The following VPS8 variants were observed in gnomAD, a reference collection of about 807,000 sequenced individuals.
VPS8 encodes the protein VPS8 subunit of CORVET complex, also known as vacuolar protein sorting-associated protein 8 homolog.
VPS8 carries 129 observed loss-of-function variants against 216.4 expected under a neutral mutation model. The ratio of observed to expected loss-of-function variants is 0.60; its 90% CI spans 0.52 to 0.69. The LOEUF is 0.69. VPS8 is among the 30% of genes least tolerant of loss of function. The pLI, the probability that VPS8 is intolerant of heterozygous loss-of-function variation, is 0.00. For synonymous variants in VPS8, 571 were observed against 565.4 expected, an observed-to-expected ratio of 1.01 and a Z score of -0.14; for missense variants, 1,531 against 1,683.5, an observed-to-expected ratio of 0.91 and a Z score of 1.59.
chr3:185,038,153 A>G lies in VPS8; in HGVS notation c.4057-10326A>G, dbSNP rs188985247. On this transcript the variant is annotated intron_variant, in intron 46 of 47. Transcript: ENST00000625842. ...TGGCTAGATGAATTTAGTAAAGTCTATTTTTCTCCACAATATTAAGCTTCT... is the reference window on the plus strand; with the variant it reads ...TGGCTAGATGAATTTAGTAAAGTCTGTTTTTCTCCACAATATTAAGCTTCT... Among the ~76,000 whole-genome samples, 8 of 152,268 alleles carry G rather than the reference A, an allele frequency of 5.3e-5. 1 individual carries two copies. Among genetic ancestry groups the G allele is most frequent in the Admixed American group, 5.2e-4 (8 of 15,298 alleles).
intron 21 of VPS8, among the ~76,000 whole-genome samples, chr3:184,879,765 C>A (rs999794220): frequency 6.6e-6 from 1 of 152,150 alleles, no homozygotes; most frequent in Non-Finnish European, 1.5e-5. Context: ...CTTTGTGTAG[C>A]CCTTGCCAGT....
chr3:184,890,145 A>T (rs1732079045), intron 22 of VPS8, among the ~76,000 whole-genome samples: 1 of 152,220 alleles, frequency 6.6e-6, no homozygotes, highest in African/African-American at 2.4e-5. Context: ...TTCTCCTTAA[A>T]CTGGATCCTC....
At chr3:184,821,804 T>C (rs1717655933) in intron 1 of VPS8, among the ~76,000 whole-genome samples, 1 of 152,116 alleles carries the variant, frequency 6.6e-6, no homozygotes. Context: ...AGAAGCGAGC[T>C]GGGTGGGGAA....
At chr3:185,020,712 C>T (rs749264485) in intron 45 of VPS8, among the ~76,000 whole-genome samples, 2 of 152,178 alleles carry the variant, frequency 1.3e-5, no homozygotes, top group Non-Finnish European at 2.9e-5. Context: ...CTCAAGCCAA[C>T]CTCCTTTTGG....
intron 21 of VPS8, among the ~76,000 whole-genome samples, chr3:184,871,736 G>GT (rs931128825): frequency 2.0e-5 from 3 of 152,088 alleles, no homozygotes; most frequent in South Asian, 2.1e-4. Flanking sequence ...AAAATAATGG[G>GT]TTTTTTTGGT....
intron 22 of VPS8, among the ~76,000 whole-genome samples, chr3:184,892,257 G>A (rs12490867): frequency 0.53 from 81,185 of 151,882 alleles, 22,763 homozygotes; most frequent in Middle Eastern, 0.69. Flanking sequence ...ATAGAGTTTC[G>A]CTCAGTTGCC....
chr3:184,905,563 C>T (rs1444393848), intron 25 of VPS8, among the ~76,000 whole-genome samples: 1 of 145,534 alleles, frequency 6.9e-6, no homozygotes, highest in Non-Finnish European at 1.5e-5. Flanking sequence ...CAACTTTAGT[C>T]TATTTGCTTT....
chr3:184,854,875 A>G (rs1046394812), intron 13 of VPS8, among the ~76,000 whole-genome samples: 1 of 152,120 alleles, frequency 6.6e-6, no homozygotes, highest in African/African-American at 2.4e-5. Flanking sequence ...TCAGAGTTGT[A>G]ATCTTCCAAT....
At chr3:184,905,876 T>A (rs1199305094) in intron 25 of VPS8, among the ~76,000 whole-genome samples, 5 of 152,102 alleles carry the variant, frequency 3.3e-5, no homozygotes, top group Non-Finnish European at 5.9e-5. Flanking sequence ...TAAATATTTT[T>A]AAAAATCATA....
chr3:184,885,591 G>A (rs528764325), intron 21 of VPS8, among the ~76,000 whole-genome samples: 1 of 152,206 alleles, frequency 6.6e-6, no homozygotes, highest in East Asian at 1.9e-4. Flanking sequence ...ACTGTATCCC[G>A]TTATCAATTT....
intron 3 of VPS8, among the ~76,000 whole-genome samples, chr3:184,827,145 C>T (rs1039353210): frequency 1.3e-5 from 2 of 152,246 alleles, no homozygotes; most frequent in Non-Finnish European, 2.9e-5. Context: ...CCCACGTATA[C>T]CAAAGCTCCG....
chr3:184,834,634 CT>C lies in VPS8; in HGVS notation c.354-4del, dbSNP rs768285651. ...TTTTTATCTGTTTTTAAATGTTTTTCTTTTTTTTTTTCAGGAAGAAGAAATT... is the reference window on the plus strand; with the variant it reads ...TTTTTATCTGTTTTTAAATGTTTTTCTTTTTTTTTTCAGGAAGAAGAAATT... On this transcript the variant is annotated splice_polypyrimidine_tract_variant and intron_variant, in intron 4 of 47. Transcript: ENST00000625842. 0.017 allele frequency: 17,881 copies of C among 1,064,216 alleles called. No homozygotes were observed. The highest frequency in any genetic ancestry group is 0.033 in the South Asian group (1,741 of 53,084). 65.9% of individuals were successfully genotyped at this position (1,064,216 alleles called of 1,614,324 possible). A position where few individuals can be genotyped will look rare whatever the true frequency, so the allele number is the denominator to read the frequency against.
At chr3:184,862,011 A>G (rs1013153255) in intron 15 of VPS8, among the ~76,000 whole-genome samples, 1 of 152,238 alleles carries the variant, frequency 6.6e-6, no homozygotes, top group Non-Finnish European at 1.5e-5. Context: ...CTCTTCCCTT[A>G]GAGTGGCTAA....
intron 45 of VPS8, among the ~76,000 whole-genome samples, chr3:185,021,533 A>G (rs1400440761): frequency 6.6e-6 from 1 of 152,192 alleles, no homozygotes; most frequent in Non-Finnish European, 1.5e-5. Context: ...TCCCTTTTCA[A>G]AAAGAGCATA....
At chr3:184,853,716 C>G in intron 11 of VPS8, 141 bp from the exon 12 acceptor site, 1 of 777,438 alleles carries the variant, frequency 1.3e-6, no homozygotes, top group Non-Finnish European at 2.0e-6. Context: ...AATAAAAAGA[C>G]CATGCTGCTG....
chr3:185,000,172 A>G (rs1753208303), intron 45 of VPS8, among the ~76,000 whole-genome samples: 1 of 152,226 alleles, frequency 6.6e-6, no homozygotes, highest in Non-Finnish European at 1.5e-5. Flanking sequence ...CAGCTTAGCA[A>G]GTACAGCTGA....
chr3:184,917,486 A>G (rs994764441), intron 28 of VPS8, among the ~76,000 whole-genome samples: 7 of 151,738 alleles, frequency 4.6e-5, no homozygotes, highest in African/African-American at 1.5e-4. Context: ...CTGGAGTGCA[A>G]TGGCATGATC....
chr3:185,050,592 C>T (rs1289062449), intron 47 of VPS8, among the ~76,000 whole-genome samples: 2 of 152,200 alleles, frequency 1.3e-5, no homozygotes, highest in African/African-American at 4.8e-5. Context: ...AATCCCACAC[C>T]GCCACTCACT....
chr3:185,040,497 G>T (rs550326076), intron 46 of VPS8, among the ~76,000 whole-genome samples: 2 of 152,168 alleles, frequency 1.3e-5, no homozygotes, highest in East Asian at 3.9e-4. Flanking sequence ...TGAATCTCCA[G>T]CCCTTGGTGG....
Sources: allele counts gnomAD v4.1 joint callset (sites outside exome capture counted in the v4.1 genomes callset), GRCh38; gene constraint gnomAD v4.1.1; transcripts MANE v1.5; gene names NCBI Gene and HGNC (gene_info 2026-07-23, HGNC 2026-07-21).